COG2: variants seen among roughly 807,000 people sequenced by gnomAD.
The protein encoded by COG2 is conserved oligomeric Golgi complex subunit 2.
In COG2, 52 loss-of-function variants were observed where a neutral mutation model predicts 90.6. The ratio of observed to expected loss-of-function variants is 0.57; its 90% CI spans 0.46 to 0.72. The LOEUF (loss-of-function observed/expected upper bound fraction) is 0.72, where lower values mean the gene tolerates loss of function less well. Ranked by LOEUF, COG2 falls within the 30% of genes least tolerant of loss-of-function variation. COG2 has a pLI of 0.00. For synonymous variants in COG2, 337 were observed against 320.4 expected (o/e 1.05, Z -0.55); for missense variants, 829 against 891.2 (o/e 0.93, Z 0.89).
At chr1:230,646,512 A>C (rs1052199547) in intron 1 of COG2, among the ~76,000 whole-genome samples, 2 of 152,058 alleles carry the variant, frequency 1.3e-5, no homozygotes, top group Non-Finnish European at 2.9e-5. Flanking sequence ...CATGCTGTGC[A>C]CTTTCCGCAG....
Position 230,688,018 on chromosome 1 carries a change from T to C in COG2, c.1579-53T>C, listed in dbSNP as rs1314495336. 7.0e-6 allele frequency: 9 copies of C among 1,277,930 alleles called. No individual in the cohort carries two copies. In the African/African-American group the frequency reaches 1.4e-4, roughly 19 times the overall value. 79.2% of individuals were successfully genotyped at this position (1,277,930 alleles called of 1,614,324 possible). On this transcript the variant is annotated intron_variant, in intron 13 of 17. Coordinates refer to ENST00000366669, the MANE Select transcript of COG2 (RefSeq NM_007357.3). Reference sequence around the variant, plus strand: ...TTGTAGATGCAAATAGAATTGCCTCTTCCTTTGATTTATAAAAAGTAACTG... The same window carrying C: ...TTGTAGATGCAAATAGAATTGCCTCCTCCTTTGATTTATAAAAAGTAACTG...
intron 1 of COG2, among the ~76,000 whole-genome samples, chr1:230,658,750 C>T (rs1370866838): frequency 6.6e-6 from 1 of 152,126 alleles, no homozygotes; most frequent in African/African-American, 2.4e-5. Context: ...AGATGCCCTG[C>T]CCAGAGAGGA....
chr1:230,651,153 C>T (rs185288540), intron 1 of COG2, among the ~76,000 whole-genome samples: 1 of 152,052 alleles, frequency 6.6e-6, no homozygotes, highest in Admixed American at 6.5e-5. Context: ...TTGGTGTTGC[C>T]TCTTGGTAGT....
chr1:230,674,298 A>C (rs1662532128), intron 8 of COG2, among the ~76,000 whole-genome samples: 2 of 152,234 alleles, frequency 1.3e-5, no homozygotes, highest in South Asian at 4.1e-4. Flanking sequence ...GAGAAGTTAA[A>C]TGATTTGCCC....
At chr1:230,649,941 T>A (rs1661872730) in intron 1 of COG2, among the ~76,000 whole-genome samples, 1 of 152,206 alleles carries the variant, frequency 6.6e-6, no homozygotes, top group African/African-American at 2.4e-5. Context: ...TACCCATCAT[T>A]TATGTCCCAC....
In COG2 at chr1:230,653,418, G is replaced by A. The variant is rs905105928; in HGVS notation, c.73-6046G>A. ...GTATTTTTAGTAGAGATGGGGTTTC[G>A]CCGTGTTGGCCAGGCTGGTCTTGAA... On this transcript the variant is annotated intron_variant, in intron 1 of 17. Coordinates refer to ENST00000366669, the MANE Select transcript of COG2 (RefSeq NM_007357.3). Among the ~76,000 whole-genome samples the A allele has an allele frequency of 2.6e-5, 4 of 151,644 alleles. No homozygotes were observed. In the South Asian group the frequency reaches 6.3e-4, roughly 24 times the overall value.
intron 5 of COG2, among the ~76,000 whole-genome samples, chr1:230,666,274 C>T (rs1424485981): frequency 6.6e-6 from 1 of 152,152 alleles, no homozygotes; most frequent in Non-Finnish European, 1.5e-5. Flanking sequence ...ACTAACGAGG[C>T]TAGACATCTT....
At chr1:230,679,074 C>T (rs750452260) in intron 10 of COG2, 22 bp downstream of exon 10, 3 of 1,606,460 alleles carry the variant, frequency 1.9e-6, no homozygotes, top group Non-Finnish European at 2.6e-6. Context: ...ATTCACCGCC[C>T]CCGCCCCGCA....
At chr1:230,687,276 A>T in intron 13 of COG2, 144 bp downstream of exon 13, 1 of 568,134 alleles carries the variant, frequency 1.8e-6, no homozygotes, top group South Asian at 3.3e-5. Flanking sequence ...CCTCTCACTC[A>T]CCTCCCTTTC....
At chr1:230,674,562 A>C (rs1339970976) in intron 8 of COG2, among the ~76,000 whole-genome samples, 1 of 152,252 alleles carries the variant, frequency 6.6e-6, no homozygotes, top group Non-Finnish European at 1.5e-5. Context: ...CTTAGTAAAT[A>C]CAAAGCTGTT....
intron 1 of COG2, among the ~76,000 whole-genome samples, chr1:230,649,845 T>C (rs1033546636): frequency 4.6e-5 from 7 of 152,176 alleles, no homozygotes; most frequent in Admixed American, 3.3e-4. Context: ...TTGTACCCAA[T>C]AGATAATTTT....
intron 6 of COG2, chr1:230,669,115 AGAG>A (rs1662387776): frequency 2.2e-6 from 1 of 462,820 alleles, no homozygotes; most frequent in Non-Finnish European, 3.8e-6. Context: ...TCGTAGCTTA[AGAG>A]GAAGGTAACT....
intron 8 of COG2, among the ~76,000 whole-genome samples, chr1:230,672,399 A>T: frequency 6.6e-6 from 1 of 152,158 alleles, no homozygotes; most frequent in East Asian, 1.9e-4. Flanking sequence ...ACACAGTGCT[A>T]GCTGCCTTTC....
At chr1:230,667,448 T>C (rs967247625) in intron 5 of COG2, among the ~76,000 whole-genome samples, 4 of 152,188 alleles carry the variant, frequency 2.6e-5, no homozygotes, top group African/African-American at 7.2e-5. Context: ...TTCAGTATAA[T>C]AGACACTGCA....
At position 230,674,979 on chromosome 1, in the gene COG2, A is replaced by C; in HGVS notation, c.900-19A>C. ...GTAGATTATGGTATATTTTACTGAT[A>C]TGTGCCCTTATTTTACAGTGAAAAA... On this transcript the variant is annotated intron_variant, in intron 8 of 17. Coordinates refer to ENST00000366669, the MANE Select transcript of COG2 (RefSeq NM_007357.3). 6.3e-7 allele frequency: 1 copy of C among 1,592,824 alleles called. No individual in the cohort carries two copies. The highest frequency in any genetic ancestry group is 8.6e-7 in the Non-Finnish European group (1 of 1,168,642).
chr1:230,651,503 A>G (rs1661913244), intron 1 of COG2, among the ~76,000 whole-genome samples: 1 of 152,174 alleles, frequency 6.6e-6, no homozygotes, highest in Non-Finnish European at 1.5e-5. Context: ...TGTCACTGCT[A>G]TTCTAGTTAA....
intron 5 of COG2, 135 bp from the exon 6 acceptor site, chr1:230,668,541 G>A (rs1662371369): frequency 1.7e-6 from 1 of 576,442 alleles, no homozygotes; most frequent in Non-Finnish European, 3.1e-6. Context: ...CTTGTAACAA[G>A]GTGGCCACAT....
At chr1:230,657,330 A>G (rs1662083338) in intron 1 of COG2, among the ~76,000 whole-genome samples, 1 of 152,208 alleles carries the variant, frequency 6.6e-6, no homozygotes, top group African/African-American at 2.4e-5. Context: ...TATGAAGCTT[A>G]GTTTGGCTGG....
chr1:230,643,148 A>G (rs1661671010), intron 1 of COG2: 1 of 154,542 alleles, frequency 6.5e-6, no homozygotes, highest in Admixed American at 6.5e-5. Flanking sequence ...AGCTTCCAGA[A>G]TGGGATATTT....
Sources: allele counts gnomAD v4.1 joint callset (sites outside exome capture counted in the v4.1 genomes callset), GRCh38; gene constraint gnomAD v4.1.1; transcripts MANE v1.5; gene names NCBI Gene and HGNC (gene_info 2026-07-23, HGNC 2026-07-21).